The following MED15 variants were observed in gnomAD, a reference collection of about 807,000 sequenced individuals.
The protein encoded by MED15 is mediator of RNA polymerase II transcription subunit 15.
In MED15, 41 loss-of-function variants were observed where a neutral mutation model predicts 118.7. That is an observed-to-expected ratio of 0.35 (90% CI 0.27 to 0.45). MED15 has a LOEUF of 0.45. Among genes scored for constraint, MED15 ranks in the 20% least tolerant of loss-of-function variants. The pLI is 1.00. For synonymous variants in MED15, 436 were observed against 413.9 expected (o/e 1.05, Z -0.65); for missense variants, 740 against 1,025.5 (o/e 0.72, Z 3.80).
chr22:20,507,618 G>T lies in MED15; in HGVS notation c.-61G>T. ...CTTCCGGGTTTGGGCCTGGCTCTGT[G>T]ACTGAGGCGGCGGCGGTGGCGGCCA... On this transcript the variant is annotated 5_prime_UTR_variant, in exon 1 of 18. Coordinates refer to ENST00000263205, the MANE Select transcript of MED15 (RefSeq NM_001003891.3). 1 of 1,607,810 alleles carries T rather than the reference G, an allele frequency of 6.2e-7. No individual in the cohort carries two copies.
At chr22:20,579,925 G>A (rs1022828925) in intron 9 of MED15, among the ~76,000 whole-genome samples, 4 of 151,910 alleles carry the variant, frequency 2.6e-5, no homozygotes, top group Admixed American at 6.6e-5. Flanking sequence ...ACACACCGGC[G>A]CCCGACCTCT....
intron 2 of MED15, among the ~76,000 whole-genome samples, chr22:20,540,467 G>A (rs1291346037): frequency 1.3e-5 from 2 of 152,038 alleles, no homozygotes; most frequent in Non-Finnish European, 2.9e-5. Flanking sequence ...CTGCCTAATC[G>A]ACAGGCTGAG....
intron 1 of MED15, among the ~76,000 whole-genome samples, chr22:20,516,142 T>G (rs1398187259): frequency 3.3e-5 from 5 of 151,528 alleles, no homozygotes; most frequent in African/African-American, 1.2e-4. Context: ...GGAGAAACCC[T>G]GTCTCTACTA....
rs894902849 is a variant in MED15, at chr22:20,584,557, G to A, written c.1803+132G>A. On this transcript the variant is annotated intron_variant, in intron 14 of 17. Transcript: ENST00000263205. ...GCCTGACCTTGGACCCTGCCCACGA[G>A]GCTTCCTGGCCAGGTCTGCTGTGCT... The A allele has an allele frequency of 5.4e-6, 6 of 1,104,562 alleles. No homozygotes were observed. The African/African-American group carries it at 7.8e-5, about 14-fold the overall frequency. 68.4% of individuals were successfully genotyped at this position (1,104,562 alleles called of 1,614,324 possible).
At chr22:20,545,698 T>TG (rs2055504821) in intron 2 of MED15, among the ~76,000 whole-genome samples, 2 of 151,968 alleles carry the variant, frequency 1.3e-5, no homozygotes, top group Admixed American at 6.6e-5. Context: ...TTTCCTTGGG[T>TG]GGGGGGCACT....
At chr22:20,586,217 G>C (rs1423748756) in intron 17 of MED15, among the ~76,000 whole-genome samples, 1 of 152,192 alleles carries the variant, frequency 6.6e-6, no homozygotes, top group African/African-American at 2.4e-5. Context: ...GGGCACACAG[G>C]GCCCAATCTG....
At chr22:20,556,650 T>TGTAG (rs2056020297) in intron 5 of MED15, among the ~76,000 whole-genome samples, 2 of 152,166 alleles carry the variant, frequency 1.3e-5, no homozygotes, top group South Asian at 4.1e-4. Context: ...TATGGGTATG[T>TGTAG]GTAGGTCTGT....
chr22:20,580,677 C>A (rs1355484910), intron 9 of MED15, among the ~76,000 whole-genome samples: 1 of 152,112 alleles, frequency 6.6e-6, no homozygotes, highest in East Asian at 1.9e-4. Context: ...AATTTTCTGG[C>A]CTTGGGATTT....
intron 1 of MED15, among the ~76,000 whole-genome samples, chr22:20,516,499 C>G (rs1442238551): frequency 6.6e-6 from 1 of 152,032 alleles, no homozygotes; most frequent in Non-Finnish European, 1.5e-5. Flanking sequence ...CCCCCCAGAC[C>G]TTAACCCCCA....
In MED15 at chr22:20,575,312, T is replaced by C. The variant is rs1006154983; in HGVS notation, c.1272+80T>C. On this transcript the variant is annotated intron_variant, in intron 9 of 17. Transcript: ENST00000263205. ...CGCCTTTGTAAAGCGCACCTGTCAT[T>C]ATCATCGCCGGTGACTTCTTTTATG... The C allele has an allele frequency of 3.0e-5, 45 of 1,514,914 alleles. No homozygotes were observed. The South Asian group carries it at 5.4e-4, about 18-fold the overall frequency. The allele number at this position is 1,514,914 out of a possible 1,614,324, so 93.8% of individuals were successfully genotyped here.
At position 20,566,462 on chromosome 22, in the gene MED15, TC is replaced by T. The variant is rs1207364773; in HGVS notation, c.691-4del. 1.2e-6 allele frequency: 2 copies of T among 1,611,574 alleles called. No individual in the cohort carries two copies. Among genetic ancestry groups the T allele is most frequent in the Non-Finnish European group, 1.7e-6 (2 of 1,179,944 alleles). On this transcript the variant is annotated splice_polypyrimidine_tract_variant and splice_region_variant and intron_variant, in intron 6 of 17. Coordinates refer to ENST00000263205, the MANE Select transcript of MED15 (RefSeq NM_001003891.3). ...ATAACCGAGTGCTGCTTGTTCTGTC[TC>T]TAGATACAGCAGCAGCAACAGCAGC...
At chr22:20,541,124 A>G (rs2055285690) in intron 2 of MED15, among the ~76,000 whole-genome samples, 1 of 152,266 alleles carries the variant, frequency 6.6e-6, no homozygotes, top group South Asian at 2.1e-4. Flanking sequence ...CTGTAGTCCC[A>G]GCTACTCAGG....
chr22:20,543,789 C>T (rs1436692171), intron 2 of MED15, among the ~76,000 whole-genome samples: 1 of 151,918 alleles, frequency 6.6e-6, no homozygotes, highest in Non-Finnish European at 1.5e-5. Context: ...AACTCCTGAC[C>T]TCAGGTGATC....
chr22:20,568,173 A>C (rs1026791185), intron 7 of MED15, among the ~76,000 whole-genome samples: 1 of 152,156 alleles, frequency 6.6e-6, no homozygotes, highest in Admixed American at 6.5e-5. Context: ...CTTTCCTTCA[A>C]GGAATCAGGC....
At chr22:20,569,024 A>G (rs1335258484) in intron 8 of MED15, among the ~76,000 whole-genome samples, 1 of 152,132 alleles carries the variant, frequency 6.6e-6, no homozygotes, top group African/African-American at 2.4e-5. Context: ...CTTTCTAGAC[A>G]CTCGGAAGCA....
chr22:20,548,558 C>T (rs1057051978), intron 2 of MED15, among the ~76,000 whole-genome samples: 2 of 152,190 alleles, frequency 1.3e-5, no homozygotes, highest in African/African-American at 4.8e-5. Context: ...ACATTTCCAG[C>T]CCAGTTCCTG....
intron 17 of MED15, 32 bp downstream of exon 17, chr22:20,585,858 C>G (rs1390542338): frequency 6.2e-7 from 1 of 1,600,616 alleles, no homozygotes. Context: ...GTCTGGGGAC[C>G]CAGGGCAAGC....
At position 20,582,625 on chromosome 22, in the gene MED15, C is replaced by A; in HGVS notation, c.1287C>A (p.Ser429Arg). The A allele has an allele frequency of 6.4e-7, 1 of 1,563,128 alleles. No individual in the cohort carries two copies. Among genetic ancestry groups the A allele is most frequent in the Non-Finnish European group, 8.6e-7 (1 of 1,160,720 alleles). ...RQPMAQVSQS[S>R]LPMLSSPSPG... ...TCCACTTCCAGGTCAGCCAGAGCAG[C>A]CTCCCCATGCTGTCCTCGCCGTCAC... is the stretch of plus-strand genomic sequence containing the variant. Residue 429 changes from serine to arginine, a missense_variant, in exon 10 of 18, where the codon AGC becomes AGA. This residue lies in a region of MED15 where 384 missense variants were observed against 506.3 expected (regional missense o/e 0.76). Coordinates refer to ENST00000263205, the MANE Select transcript of MED15 (RefSeq NM_001003891.3).
intron 1 of MED15, among the ~76,000 whole-genome samples, chr22:20,509,231 T>C (rs576241936): frequency 6.6e-6 from 1 of 152,158 alleles, no homozygotes; most frequent in South Asian, 2.1e-4. Flanking sequence ...TGCCAAGGAA[T>C]TGAGCCTGTG....
Sources: allele counts gnomAD v4.1 joint callset (sites outside exome capture counted in the v4.1 genomes callset), GRCh38; gene constraint gnomAD v4.1.1; regional missense constraint gnomAD v4.1.1; transcripts MANE v1.5; gene names NCBI Gene and HGNC (gene_info 2026-07-23, HGNC 2026-07-21).